PA2G4: variants seen among roughly 807,000 people sequenced by gnomAD.
PA2G4 encodes proliferation-associated protein 2G4.
Under a neutral mutation model 53.3 loss-of-function variants are expected in PA2G4, and 8 were observed. The ratio of observed to expected loss-of-function variants is 0.15; its 90% confidence interval spans 0.09 to 0.27. The LOEUF (loss-of-function observed/expected upper bound fraction) is 0.27, where lower values mean the gene tolerates loss of function less well. PA2G4 is among the 10% of genes least tolerant of loss of function. The probability of loss-of-function intolerance (pLI) is 1.00; values close to 1 mark genes in which losing one functional copy is unlikely to be tolerated. For synonymous variants in PA2G4, 143 were observed against 169.8 expected (o/e 0.84, Z 1.23); for missense variants, 208 against 486.8 (o/e 0.43, Z 5.39).
intron 5 of PA2G4, among the ~76,000 whole-genome samples, chr12:56,108,992 G>A (rs928688562): frequency 4.6e-5 from 7 of 151,872 alleles, no homozygotes; most frequent in Non-Finnish European, 8.8e-5. Flanking sequence ...TGGGCGTGGT[G>A]TTGCGTGCCT....
chr12:56,104,927 T>C, intron 1 of PA2G4, 102 bp downstream of exon 1: 1 of 1,060,974 alleles, frequency 9.4e-7, no homozygotes, highest in Non-Finnish European at 1.5e-6. Flanking sequence ...ACTGAGCTAC[T>C]GAGGGGCCCG....
intron 4 of PA2G4, 74 bp downstream of exon 4, chr12:56,107,330 A>AC: frequency 8.5e-7 from 1 of 1,178,542 alleles, no homozygotes; most frequent in South Asian, 1.2e-5. Flanking sequence ...TCTTATCCCC[A>AC]CCCCCAATCA....
chr12:56,109,597 G>A (rs193053356), intron 6 of PA2G4, among the ~76,000 whole-genome samples: 14 of 141,772 alleles, frequency 9.9e-5, no homozygotes, highest in Admixed American at 2.9e-4. Flanking sequence ...TCCAGTCTGG[G>A]CAATAAGAGC....
At chr12:56,107,710 C>A in intron 5 of PA2G4, 97 bp downstream of exon 5, 2 of 751,628 alleles carry the variant, frequency 2.7e-6, no homozygotes, top group Non-Finnish European at 4.6e-6. Context: ...CCCCTACAGA[C>A]CCCTTATAAA....
intron 9 of PA2G4, 93 bp downstream of exon 9, chr12:56,110,785 G>A (rs2136841974): frequency 6.8e-7 from 1 of 1,480,358 alleles, no homozygotes; most frequent in South Asian, 1.2e-5. Flanking sequence ...TAGACTTGTA[G>A]CGTGCATGTG....
At chr12:56,109,140 AAC>A (rs1555213056) in intron 5 of PA2G4, 88 bp from the exon 6 acceptor site, 1 of 784,704 alleles carries the variant, frequency 1.3e-6, no homozygotes, top group African/African-American at 1.8e-5. Flanking sequence ...AAAAAAAAAA[AAC>A]GCTCAGTTCT....
At chr12:56,110,876 G>A in intron 9 of PA2G4, 88 bp from the exon 10 acceptor site, 1 of 1,382,156 alleles carries the variant, frequency 7.2e-7, no homozygotes, top group African/African-American at 1.4e-5. Context: ...ATTTCTGCCT[G>A]AGGGTAGGAG....
At chr12:56,107,727 T>G (rs1284731065) in intron 5 of PA2G4, 114 bp downstream of exon 5, 8 of 660,916 alleles carry the variant, frequency 1.2e-5, no homozygotes, top group Non-Finnish European at 1.9e-5. Context: ...TAAAACAGCT[T>G]TTTAAAATTA....
chr12:56,109,287 A>G lies in PA2G4; in HGVS notation c.544A>G (p.Ile182Val), dbSNP rs367753477. The stretch of plus-strand genomic sequence containing the variant: ...TGCCCACTCATTTAACTGCACGCCA[A>G]TAGAAGGTGAGAACAGATAACAGGG... ...KVAHSFNCTP[I>V]EGMLSHQLKQ... Residue 182 changes from isoleucine to valine, a missense_variant, in exon 6 of 13, where the codon ATA (isoleucine) becomes GTA (valine). Physicochemically the swap from Ile to Val is conservative, Grantham distance 29. Transcript: ENST00000303305. The G allele has an allele frequency of 3.0e-5, 48 of 1,609,886 alleles. No homozygotes were observed. Among genetic ancestry groups the G allele is most frequent in the South Asian group, 7.7e-5 (7 of 91,000 alleles).
chr12:56,110,517 G>C (rs1383722004), intron 8 of PA2G4, 40 bp downstream of exon 8: 2 of 1,613,786 alleles, frequency 1.2e-6, no homozygotes, highest in African/African-American at 1.3e-5. Flanking sequence ...GGGTGACTGA[G>C]AGTGTTCACC....
chr12:56,107,130 T>C, intron 3 of PA2G4, 35 bp downstream of exon 3: 1 of 1,606,160 alleles, frequency 6.2e-7, no homozygotes. Context: ...TTTTTCTTTT[T>C]TTAAAGCATT....
chr12:56,111,004 G>C lies in PA2G4; in HGVS notation c.883G>C (p.Glu295Gln). The C allele has an allele frequency of 6.2e-7, 1 of 1,613,388 alleles. No homozygotes were observed. The highest frequency in any genetic ancestry group is 8.5e-7 in the Non-Finnish European group (1 of 1,180,018). ...DEKKARMGVV[E>Q]CAKHELLQPF... ...GAAGAAGGCTCGGATGGGTGTGGTGGAGTGCGCCAAACATGAACTGCTGCA... is the reference window on the plus strand; with the variant it reads ...GAAGAAGGCTCGGATGGGTGTGGTGCAGTGCGCCAAACATGAACTGCTGCA... Residue 295 changes from glutamate to glutamine, a missense_variant, in exon 10 of 13, where the codon GAG (glutamate) becomes CAG (glutamine). Physicochemically the swap from Glu to Gln is conservative, Grantham distance 29. This residue lies in a region of PA2G4 where 143 missense variants were observed against 386.8 expected (regional missense o/e 0.37). Transcript: ENST00000303305.
rs182565721 is a variant in PA2G4, at chr12:56,108,955, G to A, written c.487-275G>A. Among the ~76,000 whole-genome samples, 71 of 151,738 alleles carry A rather than the reference G, an allele frequency of 4.7e-4. No individual in the cohort carries two copies. The East Asian group carries it at 0.012, about 27-fold the overall frequency. ...ATCCTGGCCAACATGGTGAAACCCC[G>A]TCTCTTCTAAAAATACAAAAATTAG... is the stretch of plus-strand genomic sequence containing the variant. On this transcript the variant is annotated intron_variant, in intron 5 of 12. Coordinates refer to ENST00000303305, the MANE Select transcript of PA2G4 (RefSeq NM_006191.3).
chr12:56,106,580 G>A lies in PA2G4; in HGVS notation c.89-8G>A, dbSNP rs1371293573. 2 of 1,558,692 alleles carry A rather than the reference G, an allele frequency of 1.3e-6. No homozygotes were observed. The highest frequency in any genetic ancestry group is 1.7e-6 in the Non-Finnish European group (2 of 1,161,406). ...TACAAGGCTGACATGATGGGATTCT[G>A]TCCTCAGGGGTACTTCGGTCCTTGG... On this transcript the variant is annotated splice_region_variant and splice_polypyrimidine_tract_variant and intron_variant, in intron 1 of 12. Coordinates refer to ENST00000303305, the MANE Select transcript of PA2G4 (RefSeq NM_006191.3).
intron 7 of PA2G4, 90 bp downstream of exon 7, chr12:56,110,025 C>T (rs1165804428): frequency 3.3e-6 from 3 of 914,448 alleles, no homozygotes; most frequent in Non-Finnish European, 5.4e-6. Context: ...TGTCCGCCCT[C>T]TACTCCATGT....
chr12:56,113,772 G>T lies in PA2G4; in HGVS notation c.*884G>T. The T allele has an allele frequency of 2.9e-6, 2 of 695,458 alleles. No homozygotes were observed. Among genetic ancestry groups the T allele is most frequent in the Admixed American group, 2.0e-5 (1 of 49,298 alleles). The allele number at this position is 695,458 out of a possible 1,614,324, so 43.1% of individuals were successfully genotyped here. A position where few individuals can be genotyped will look rare whatever the true frequency, so the allele number is the denominator to read the frequency against. On this transcript the variant is annotated 3_prime_UTR_variant, in exon 13 of 13. Transcript: ENST00000303305. ...TATGGACTTGGATTGGATTGCTGGG[G>T]GTTTGTAGAGAAAGGTGACAAATTT...
intron 12 of PA2G4, 38 bp from the exon 13 acceptor site, chr12:56,112,785 A>G: frequency 7.2e-7 from 1 of 1,392,694 alleles, no homozygotes; most frequent in Non-Finnish European, 1.0e-6. Context: ...GTAGTTAGAA[A>G]CTGACAGGTC....
chr12:56,110,729 T>C, intron 9 of PA2G4, 37 bp downstream of exon 9: 1 of 1,612,316 alleles, frequency 6.2e-7, no homozygotes, highest in Non-Finnish European at 8.5e-7. Context: ...CCAGTCTGAC[T>C]CACAGACCAT....
In PA2G4 at chr12:56,108,476, G is replaced by T. The variant is rs78826653; in HGVS notation, c.487-754G>T. Among the ~76,000 whole-genome samples, 1,068 of 152,288 alleles carry T rather than the reference G, an allele frequency of 7.0e-3. 5 individuals carry two copies. The highest frequency in any genetic ancestry group is 0.011 in the Non-Finnish European group (745 of 68,022). On this transcript the variant is annotated intron_variant, in intron 5 of 12. Coordinates refer to ENST00000303305, the MANE Select transcript of PA2G4 (RefSeq NM_006191.3). ...ACATTCAGTAGAAGCTATACTTTGA[G>T]TACCCATACAACCATTCTGTTTTTC...
Sources: gnomAD v4.1 joint callset for allele counts (sites outside exome capture counted in the v4.1 genomes callset) on GRCh38, gnomAD v4.1.1 for gene constraint, gnomAD v4.1.1 regional missense constraint, MANE v1.5 for transcripts, NCBI Gene and HGNC (gene_info 2026-07-23, HGNC 2026-07-21) for gene names.